The following TFR2 variants were observed in gnomAD, a reference collection of about 807,000 sequenced individuals.
TFR2 encodes transferrin receptor 2, also known as transferrin receptor protein 2.
Under a neutral mutation model 91.9 loss-of-function variants are expected in TFR2, and 64 were observed. The ratio of observed to expected loss-of-function variants is 0.70; its 90% CI spans 0.57 to 0.86. TFR2 has a LOEUF of 0.86. Ranked by LOEUF, TFR2 falls within the 40% of genes least tolerant of loss-of-function variation. The pLI, the probability that TFR2 is intolerant of heterozygous loss-of-function variation, is 0.00. For missense variants in TFR2, 950 were observed against 1,080.5 expected (o/e 0.88, Z 1.69); for synonymous variants, 454 against 459.6 (o/e 0.99, Z 0.15).
chr7:100,640,395 T>C, intron 3 of TFR2: 1 of 431,910 alleles, frequency 2.3e-6, no homozygotes, highest in South Asian at 3.5e-5. Flanking sequence ...ATTCAAGGCT[T>C]TTCTGGGTCT....
intron 3 of TFR2, among the ~76,000 whole-genome samples, chr7:100,636,839 A>G (rs1803579312): frequency 6.6e-6 from 1 of 151,492 alleles, no homozygotes; most frequent in South Asian, 2.1e-4. Context: ...ATCTCGGCTC[A>G]CTGCAACATC....
rs1391240383 is a variant in TFR2 at position 100,627,246 on chromosome 7, G to A, written c.1995+18C>T. The A allele has an allele frequency of 5.2e-6, 8 of 1,547,680 alleles. No individual in the cohort carries two copies. Among genetic ancestry groups the A allele is most frequent in the South Asian group, 3.6e-5 (3 of 83,926 alleles). ...CCTCCCACTCCCAGAGACCAAGAGCGGGGTGGGCCTCTTGAACCTTGAGGT... is the reference window on the plus strand; with the variant it reads ...CCTCCCACTCCCAGAGACCAAGAGCAGGGTGGGCCTCTTGAACCTTGAGGT... On this transcript the variant is annotated intron_variant, in intron 16 of 17. Transcript: ENST00000223051.
At chr7:100,637,764 G>T (rs1803602236) in intron 3 of TFR2, among the ~76,000 whole-genome samples, 1 of 151,832 alleles carries the variant, frequency 6.6e-6, no homozygotes, top group Admixed American at 6.6e-5. Context: ...AGTGAGCCCA[G>T]ATTGCACCAC....
In TFR2 at chr7:100,626,901, G is replaced by A; in HGVS notation, c.1998C>T (p.Ala666=). Residue 666 remains alanine, a splice_region_variant and synonymous_variant, in exon 17 of 18, where the codon GCC becomes GCT. Coordinates refer to ENST00000223051, the MANE Select transcript of TFR2 (RefSeq NM_003227.4). Reference sequence around the variant, plus strand: ...ACACCCACTGCAGGGTCAGCCCGCGGGCCTGGGGTGGGGAGGCGCGGGCTG... The same window carrying A: ...ACACCCACTGCAGGGTCAGCCCGCGAGCCTGGGGTGGGGAGGCGCGGGCTG... ...NLNEFSGDLK[A]RGLTLQWVYS... 6.5e-7 allele frequency: 1 copy of A among 1,537,866 alleles called. No individual in the cohort carries two copies. Among genetic ancestry groups the A allele is most frequent in the Non-Finnish European group, 8.7e-7 (1 of 1,144,634 alleles).
chr7:100,640,584 G>T (rs917592223), intron 3 of TFR2, 102 bp downstream of exon 3: 6 of 1,361,260 alleles, frequency 4.4e-6, no homozygotes, highest in Non-Finnish European at 5.0e-6. Context: ...CTCAGGAGGG[G>T]GACCCAGACA....
Position 100,641,074 on chromosome 7 carries a change from C to A in TFR2, c.188G>T (p.Gly63Val), listed in dbSNP as rs1192610194. The A allele has an allele frequency of 1.2e-6, 2 of 1,602,530 alleles. No homozygotes were observed. Among genetic ancestry groups the A allele is most frequent in the Non-Finnish European group, 1.7e-6 (2 of 1,173,862 alleles). The change falls in exon 2 of 18, where the codon GGC becomes GTC. Residue 63 changes from glycine to valine, a missense_variant. Transcript: ENST00000223051. ...PMELRGPEPL[G>V]SRPRQPNLIP... ...GAGGTTTGGCTGCCTGGGTCTAGAG[C>A]CCAGGGGCTCAGGGCCCCTCAGCTC...
At chr7:100,631,711 C>T (rs1803439686) in intron 8 of TFR2, 95 bp downstream of exon 8, 1 of 1,521,454 alleles carries the variant, frequency 6.6e-7, no homozygotes, top group Non-Finnish European at 8.9e-7. Flanking sequence ...AAACAAGAGT[C>T]ACCTTTTTCT....
At chr7:100,636,824 G>A (rs1236558148) in intron 3 of TFR2, among the ~76,000 whole-genome samples, 1 of 151,624 alleles carries the variant, frequency 6.6e-6, no homozygotes, top group Non-Finnish European at 1.5e-5. Flanking sequence ...GAATGCAATG[G>A]CGCGATCTCG....
rs1328860761 is a variant in TFR2, at chr7:100,631,839, G to A, written c.1073C>T (p.Pro358Leu). 1 of 1,613,554 alleles carries A rather than the reference G, an allele frequency of 6.2e-7. No homozygotes were observed. Among genetic ancestry groups the A allele is most frequent in the Non-Finnish European group, 8.5e-7 (1 of 1,179,846 alleles). The change falls in exon 8 of 18, where the codon CCC becomes CTC. Residue 358 changes from proline (P) to leucine (L), a missense_variant. By Grantham distance (98) the Pro-to-Leu change is moderately conservative. Transcript: ENST00000223051. ...GCGGGAGGCAATGTCTGCACTGATG[G>A]GCTGGGCTGGGATGCTGGGAAGGCC... ...SSGLPSIPAQ[P>L]ISADIASRLL...
Position 100,632,991 on chromosome 7 carries a change from G to A in TFR2, c.849+10C>T. On this transcript the variant is annotated intron_variant, in intron 6 of 17. Transcript: ENST00000223051. Reference sequence around the variant, plus strand: ...GGGCTCAAGCCCTCCCTCTGTCCAGGGACACTTACCTTCTGGGCGAAGCTG... The same window carrying A: ...GGGCTCAAGCCCTCCCTCTGTCCAGAGACACTTACCTTCTGGGCGAAGCTG... The A allele has an allele frequency of 6.2e-7, 1 of 1,613,622 alleles. No homozygotes were observed. Among genetic ancestry groups the A allele is most frequent in the East Asian group, 2.2e-5 (1 of 44,868 alleles).
intron 17 of TFR2, 66 bp from the exon 18 acceptor site, chr7:100,621,192 C>A (rs1803101402): frequency 2.1e-6 from 3 of 1,418,554 alleles, no homozygotes; most frequent in Admixed American, 2.9e-5. Flanking sequence ...CCCGAGTCAC[C>A]CTTCCCGCCA....
chr7:100,630,961 C>G lies in TFR2; in HGVS notation c.1198G>C (p.Val400Leu). The G allele has an allele frequency of 6.2e-7, 1 of 1,613,080 alleles. No individual in the cohort carries two copies. Among genetic ancestry groups the G allele is most frequent in the East Asian group, 2.2e-5 (1 of 44,882 alleles). Residue 400 changes from valine to leucine, a missense_variant, in exon 9 of 18, where the codon GTG (valine) becomes CTG (leucine). Val to Leu is a conservative substitution (Grantham distance 32). Transcript: ENST00000223051. ...GTGGAGGTCCTGTGATTGTTGACCA[C>G]TAGCCGCAGTCGTGGCCCGGGGCCC... ...HLGPGPRLRL[V>L]VNNHRTSTPI...
In TFR2 at chr7:100,626,560, T is replaced by C. The variant is rs1238203621; in HGVS notation, c.2136+203A>G. On this transcript the variant is annotated intron_variant, in intron 17 of 17. Transcript: ENST00000223051. The stretch of plus-strand genomic sequence containing the variant: ...CCAAGAGGCTGGCCCTCCCTGTCCA[T>C]TTCATCACTTTGATCGCTCGGGTCC... 1.6e-5 allele frequency: 22 copies of C among 1,407,920 alleles called. No individual in the cohort carries two copies. In the East Asian group the frequency reaches 5.3e-4, roughly 34 times the overall value. The allele number at this position is 1,407,920 out of a possible 1,614,324, so 87.2% of individuals were successfully genotyped here. A position where few individuals can be genotyped will look rare whatever the true frequency, so the allele number is the denominator to read the frequency against.
At chr7:100,637,240 A>G (rs1174830586) in intron 3 of TFR2, among the ~76,000 whole-genome samples, 1 of 152,070 alleles carries the variant, frequency 6.6e-6, no homozygotes, top group Non-Finnish European at 1.5e-5. Context: ...TCTCCACTAA[A>G]AATACAAAAT....
chr7:100,629,463 A>G (rs1260812013), intron 9 of TFR2, 91 bp from the exon 10 acceptor site: 25 of 1,595,082 alleles, frequency 1.6e-5, no homozygotes, highest in Non-Finnish European at 2.0e-5. Flanking sequence ...AGCCCATCAC[A>G]ATTCCGGCAA....
Position 100,641,371 on chromosome 7 carries a change from C to T in TFR2, c.33+106G>A, listed in dbSNP as rs1025118822. 28 of 1,510,630 alleles carry T rather than the reference C, an allele frequency of 1.9e-5. No homozygotes were observed. The Middle Eastern group carries it at 6.9e-4, about 37-fold the overall frequency. 93.6% of individuals were successfully genotyped at this position (1,510,630 alleles called of 1,614,324 possible). On this transcript the variant is annotated intron_variant, in intron 1 of 17. Transcript: ENST00000223051. ...GGGGAGGGGCAGGGGTGGGAAGAAG[C>T]GAGGTCAGGACACGGTCCAGGAGGG...
chr7:100,623,205 G>A (rs1475093800), intron 17 of TFR2, among the ~76,000 whole-genome samples: 10 of 152,164 alleles, frequency 6.6e-5, no homozygotes, highest in East Asian at 1.9e-4. Context: ...CCCGGGAGGC[G>A]GAGGTTGCAG....
At chr7:100,638,096 C>T (rs1037995331) in intron 3 of TFR2, among the ~76,000 whole-genome samples, 3 of 151,842 alleles carry the variant, frequency 2.0e-5, no homozygotes, top group African/African-American at 7.3e-5. Context: ...CTCCGCCTCC[C>T]GGGTTCATGC....
chr7:100,626,386 T>C, intron 17 of TFR2: 1 of 907,926 alleles, frequency 1.1e-6, no homozygotes, highest in African/African-American at 1.8e-5. Flanking sequence ...TCCCAGCCTG[T>C]AACCTCGTAT....
Sources: allele counts gnomAD v4.1 joint callset (sites outside exome capture counted in the v4.1 genomes callset), GRCh38; gene constraint gnomAD v4.1.1; transcripts MANE v1.5; gene names NCBI Gene and HGNC (gene_info 2026-07-23, HGNC 2026-07-21).